Variants in STRN observed in about 807,000 individuals in gnomAD.
The protein encoded by STRN is striatin, also known as protein phosphatase 2 regulatory subunit B'''alpha.
In STRN, 53 loss-of-function variants were observed where a neutral mutation model predicts 96.3. The ratio of observed to expected loss-of-function variants is 0.55; its 90% confidence interval spans 0.44 to 0.69. The LOEUF (loss-of-function observed/expected upper bound fraction) is 0.69. STRN is among the 30% of genes least tolerant of loss of function. The pLI, the probability that STRN is intolerant of heterozygous loss-of-function variation, is 0.00. For missense variants in STRN, 987 were observed against 963.9 expected (o/e 1.02, Z -0.32); for synonymous variants, 428 against 355.9 (o/e 1.20, Z -2.28).
intron 6 of STRN, among the ~76,000 whole-genome samples, chr2:36,896,667 A>T (rs1195677907): frequency 1.3e-5 from 2 of 152,180 alleles, no homozygotes; most frequent in African/African-American, 2.4e-5. Flanking sequence ...GGGACGTGGG[A>T]TTCTTTATAC....
intron 13 of STRN, among the ~76,000 whole-genome samples, chr2:36,858,657 C>G (rs536225223): frequency 3.9e-5 from 6 of 152,316 alleles, no homozygotes; most frequent in African/African-American, 1.4e-4. Flanking sequence ...CCTTATTAAT[C>G]TTCACAATGA....
At chr2:36,931,975 C>A (rs1253753912) in intron 1 of STRN, among the ~76,000 whole-genome samples, 3 of 152,060 alleles carry the variant, frequency 2.0e-5, no homozygotes, top group African/African-American at 7.2e-5. Flanking sequence ...CGCATACGAC[C>A]ACATGCAGCT....
chr2:36,865,559 T>C (rs1572631753), intron 12 of STRN, among the ~76,000 whole-genome samples: 1 of 152,232 alleles, frequency 6.6e-6, no homozygotes. Flanking sequence ...AAGTTGTTAA[T>C]TTGAGATCTA....
chr2:36,859,051 T>A lies in STRN; in HGVS notation c.1670-1028A>T, dbSNP rs532142154. On this transcript the variant is annotated intron_variant, in intron 13 of 17. Transcript: ENST00000263918. ...ACAGCATGATATGCAAGTAAATGTATAAGCAATTCAGTATTACTGGAGTGT... is the reference window on the plus strand; with the variant it reads ...ACAGCATGATATGCAAGTAAATGTAAAAGCAATTCAGTATTACTGGAGTGT... 2.6e-5 allele frequency among the ~76,000 whole-genome samples: 4 copies of A among 152,274 alleles called. No individual in the cohort carries two copies. In the South Asian group the frequency reaches 8.3e-4, roughly 32 times the overall value.
At chr2:36,894,709 A>C (rs1462093825) in intron 6 of STRN, among the ~76,000 whole-genome samples, 6 of 152,204 alleles carry the variant, frequency 3.9e-5, no homozygotes, top group Non-Finnish European at 7.3e-5. Flanking sequence ...CTTCATGCAA[A>C]ACAGAAATAA....
intron 1 of STRN, among the ~76,000 whole-genome samples, chr2:36,943,529 G>A (rs1301105460): frequency 1.3e-5 from 2 of 152,052 alleles, no homozygotes; most frequent in Admixed American, 6.6e-5. Flanking sequence ...AATAGGCCAG[G>A]CACAGTGGCT....
chr2:36,925,513 A>G (rs1670386120), intron 1 of STRN, among the ~76,000 whole-genome samples: 1 of 152,162 alleles, frequency 6.6e-6, no homozygotes. Context: ...GCGGTGGCTC[A>G]CACCTGTAAT....
At chr2:36,895,881 G>A (rs763363173) in intron 6 of STRN, among the ~76,000 whole-genome samples, 20 of 151,874 alleles carry the variant, frequency 1.3e-4, no homozygotes, top group Non-Finnish European at 2.1e-4. Flanking sequence ...CTGACATCAC[G>A]CCACTGCGCC....
chr2:36,939,832 A>C (rs1333344355), intron 1 of STRN, among the ~76,000 whole-genome samples: 1 of 152,260 alleles, frequency 6.6e-6, no homozygotes, highest in East Asian at 1.9e-4. Flanking sequence ...AACAACTAAA[A>C]GTATATTAAA....
intron 1 of STRN, among the ~76,000 whole-genome samples, chr2:36,954,840 T>C (rs1278292732): frequency 6.6e-6 from 1 of 152,080 alleles, no homozygotes. Flanking sequence ...GGTTTCACCA[T>C]GTTAGCTGGG....
Position 36,838,234 on chromosome 2 carries a change from A to G in STRN, c.*11222T>C, listed in dbSNP as rs549079683. 7.9e-5 allele frequency among the ~76,000 whole-genome samples: 12 copies of G among 152,350 alleles called. No homozygotes were observed. In the South Asian group the frequency reaches 2.5e-3, roughly 32 times the overall value. On this transcript the variant is annotated 3_prime_UTR_variant, in exon 18 of 18. Transcript: ENST00000263918. ...CAACCTCTAAAGGATCAGATTTGACAGTCAGCTAGGAGACAGGGACCTCCA... is the reference window on the plus strand; with the variant it reads ...CAACCTCTAAAGGATCAGATTTGACGGTCAGCTAGGAGACAGGGACCTCCA...
chr2:36,916,226 A>G, intron 2 of STRN, 75 bp from the exon 3 acceptor site: 1 of 1,229,522 alleles, frequency 8.1e-7, no homozygotes, highest in Non-Finnish European at 1.2e-6. Context: ...AGTAGTCACA[A>G]GAATTCAGTA....
intron 9 of STRN, among the ~76,000 whole-genome samples, chr2:36,880,819 C>CTTA (rs1669050274): frequency 6.6e-6 from 1 of 152,106 alleles, no homozygotes. Flanking sequence ...CTAGGATAGA[C>CTTA]CATATAAATT....
chr2:36,962,871 C>T (rs992464639), intron 1 of STRN, among the ~76,000 whole-genome samples: 2 of 152,220 alleles, frequency 1.3e-5, no homozygotes, highest in African/African-American at 4.8e-5. Context: ...GATTCTTCTA[C>T]AAGTTATATC....
At chr2:36,888,270 G>C (rs1010652850) in intron 7 of STRN, among the ~76,000 whole-genome samples, 1 of 152,112 alleles carries the variant, frequency 6.6e-6, no homozygotes, top group African/African-American at 2.4e-5. Flanking sequence ...TATCAACACT[G>C]GTTTCCCTGT....
At chr2:36,875,900 G>A (rs1159793874) in intron 10 of STRN, among the ~76,000 whole-genome samples, 1 of 152,122 alleles carries the variant, frequency 6.6e-6, no homozygotes. Context: ...CTCGTGATCT[G>A]CCCGCCTCGG....
chr2:36,898,774 T>A (rs1393808162), intron 6 of STRN, among the ~76,000 whole-genome samples: 1 of 152,120 alleles, frequency 6.6e-6, no homozygotes, highest in Non-Finnish European at 1.5e-5. Flanking sequence ...TCTCTATTCA[T>A]AAATTAATGT....
intron 11 of STRN, 94 bp downstream of exon 11, chr2:36,869,460 T>C: frequency 8.7e-7 from 1 of 1,151,074 alleles, no homozygotes; most frequent in Non-Finnish European, 1.2e-6. Flanking sequence ...AGAAGAAATG[T>C]TTGGGAAATT....
intron 9 of STRN, among the ~76,000 whole-genome samples, 166 bp downstream of exon 9, chr2:36,883,766 G>A (rs1669139774): frequency 6.6e-6 from 1 of 152,092 alleles, no homozygotes; most frequent in African/African-American, 2.4e-5. Flanking sequence ...ATTGAAGTTG[G>A]AATCAAACTC....
Sources: allele counts gnomAD v4.1 joint callset (sites outside exome capture counted in the v4.1 genomes callset), GRCh38; gene constraint gnomAD v4.1.1; transcripts MANE v1.5; gene names NCBI Gene and HGNC (gene_info 2026-07-23, HGNC 2026-07-21).